The following ABCA13 variants were observed in gnomAD, a reference collection of about 807,000 sequenced individuals.
The protein encoded by ABCA13 is ATP binding cassette subfamily A member 13.
ABCA13 carries 476 observed loss-of-function variants against 478.7 expected under a neutral mutation model. That is an observed-to-expected ratio of 0.99 (90% CI 0.92 to 1.07). ABCA13 has a LOEUF of 1.07. ABCA13 is among the 50% of genes least tolerant of loss of function. ABCA13 has a pLI of 0.00. For synonymous variants in ABCA13, 2,252 were observed against 2,158.9 expected (o/e 1.04, Z -1.20); for missense variants, 6,060 against 5,910.6 (o/e 1.03, Z -0.83).
In ABCA13 at chr7:48,272,061, G is replaced by T; in HGVS notation, c.2395G>T (p.Glu799Ter). ...DAQKLLEFGN[E>*]VIWKMQTLGS... ...TCAGAAACTCTTGGAATTTGGCAAC[G>T]AAGTGATTTGGAAAATGCAGACTCT... Residue 799 changes from glutamate (E) to a stop codon, truncating the protein, a stop_gained, in exon 17 of 62, where the codon GAA becomes TAA. Transcript: ENST00000435803. LOFTEE classifies it high-confidence loss of function. 1 of 1,613,628 alleles carries T rather than the reference G, an allele frequency of 6.2e-7. No individual in the cohort carries two copies. The highest frequency in any genetic ancestry group is 8.5e-7 in the Non-Finnish European group (1 of 1,179,716).
chr7:48,437,062 C>T (rs1822939272), intron 42 of ABCA13, among the ~76,000 whole-genome samples: 1 of 151,868 alleles, frequency 6.6e-6, no homozygotes, highest in Admixed American at 6.6e-5. Flanking sequence ...GTTCAATTCT[C>T]TGTGTCTTTG....
At chr7:48,175,899 A>ACAACAG (rs1479169299) in intron 1 of ABCA13, among the ~76,000 whole-genome samples, 1 of 152,128 alleles carries the variant, frequency 6.6e-6, no homozygotes, top group African/African-American at 2.4e-5. Flanking sequence ...AACAACAACA[A>ACAACAG]CAACAACAAC....
At position 48,279,874 on chromosome 7, in the gene ABCA13, T is replaced by C; in HGVS notation, c.8680T>C (p.Phe2894Leu). 1 of 1,542,674 alleles carries C rather than the reference T, an allele frequency of 6.5e-7. No homozygotes were observed. ...FCLEKYLGGL[F>L]VLTKYWQQIP... is the part of the protein sequence containing the mutation. Reference sequence around the variant, plus strand: ...TTTGGAGAAATACCTGGGAGGATTATTTGTATTGACTAAATACTGGCAACA... The same window carrying C: ...TTTGGAGAAATACCTGGGAGGATTACTTGTATTGACTAAATACTGGCAACA... Residue 2894 changes from phenylalanine to leucine, a missense_variant, in exon 18 of 62, where the codon TTT (phenylalanine) becomes CTT (leucine). Transcript: ENST00000435803.
chr7:48,338,012 G>A (rs987409133), intron 28 of ABCA13, among the ~76,000 whole-genome samples: 1 of 152,160 alleles, frequency 6.6e-6, no homozygotes, highest in Non-Finnish European at 1.5e-5. Flanking sequence ...TTTACAACTG[G>A]CCTCTGGGAA....
At chr7:48,629,597 A>AG (rs869115357) in intron 59 of ABCA13, among the ~76,000 whole-genome samples, 1 of 145,522 alleles carries the variant, frequency 6.9e-6, no homozygotes, top group African/African-American at 2.5e-5. Flanking sequence ...AAAAAAAAAA[A>AG]GCTGCAAAGT....
intron 3 of ABCA13, among the ~76,000 whole-genome samples, chr7:48,208,709 A>C (rs1486992541): frequency 6.6e-6 from 1 of 152,000 alleles, no homozygotes; most frequent in Non-Finnish European, 1.5e-5. Context: ...TTTCTTGGTG[A>C]AGTCTTTAGG....
intron 58 of ABCA13, 74 bp downstream of exon 58, chr7:48,594,887 C>A: frequency 8.1e-7 from 1 of 1,234,084 alleles, no homozygotes; most frequent in Non-Finnish European, 1.2e-6. Context: ...CATTTAGGTA[C>A]CTGCACAGTG....
At chr7:48,268,613 G>C (rs552877093) in intron 15 of ABCA13, among the ~76,000 whole-genome samples, 19 of 152,254 alleles carry the variant, frequency 1.2e-4, no homozygotes, top group African/African-American at 3.9e-4. Flanking sequence ...GTGGTTTCTA[G>C]CTGTCTTTCA....
intron 55 of ABCA13, among the ~76,000 whole-genome samples, chr7:48,543,525 G>A (rs1305172618): frequency 2.0e-5 from 3 of 151,646 alleles, no homozygotes; most frequent in Non-Finnish European, 4.4e-5. Flanking sequence ...TCGGGAAGCT[G>A]AGGCAGGAGA....
At position 48,245,567 on chromosome 7, in the gene ABCA13, C is replaced by G; in HGVS notation, c.1446C>G (p.Asn482Lys). 6.2e-7 allele frequency: 1 copy of G among 1,613,176 alleles called. No individual in the cohort carries two copies. The highest frequency in any genetic ancestry group is 8.5e-7 in the Non-Finnish European group (1 of 1,179,644). ...SANDFKWFELNQLKLEKDVFF... is the reference protein window; with the variant it reads ...SANDFKWFELKQLKLEKDVFF... ...ATGATTTTAAATGGTTTGAACTTAA[C>G]CAATTGAAACTGGAAAAGGATGTGT... Residue 482 changes from asparagine to lysine, a missense_variant, in exon 12 of 62, where the codon AAC (asparagine) becomes AAG (lysine). By Grantham distance (94) the Asn-to-Lys change is moderately conservative. Coordinates refer to ENST00000435803, the MANE Select transcript of ABCA13 (RefSeq NM_152701.5).
intron 13 of ABCA13, among the ~76,000 whole-genome samples, 192 bp downstream of exon 13, chr7:48,246,222 G>A (rs1791651859): frequency 6.6e-6 from 1 of 152,122 alleles, no homozygotes; most frequent in African/African-American, 2.4e-5. Context: ...AAGGTTGTAT[G>A]CCACCCGCCT....
At chr7:48,494,507 G>C (rs1239574463) in intron 48 of ABCA13, among the ~76,000 whole-genome samples, 1 of 152,154 alleles carries the variant, frequency 6.6e-6, no homozygotes, top group Non-Finnish European at 1.5e-5. Flanking sequence ...AGGATTCTGA[G>C]CAATGCAAAG....
intron 27 of ABCA13, among the ~76,000 whole-genome samples, chr7:48,328,826 A>G (rs1268905493): frequency 6.6e-6 from 1 of 152,196 alleles, no homozygotes; most frequent in Non-Finnish European, 1.5e-5. Flanking sequence ...CCAAAATGAG[A>G]TATCCACAAA....
chr7:48,587,659 G>A (rs1789317045), intron 57 of ABCA13, among the ~76,000 whole-genome samples: 1 of 152,044 alleles, frequency 6.6e-6, no homozygotes, highest in Admixed American at 6.5e-5. Flanking sequence ...CAGCAGTAGT[G>A]ACACCTGTCA....
intron 42 of ABCA13, among the ~76,000 whole-genome samples, chr7:48,438,884 G>GTT (rs59630845): frequency 2.9e-5 from 4 of 139,410 alleles, no homozygotes; most frequent in African/African-American, 5.3e-5. Context: ...TTTTGCTAAG[G>GTT]TTTTTTTTTT....
intron 23 of ABCA13, among the ~76,000 whole-genome samples, chr7:48,304,001 GA>G (rs1399001614): frequency 2.0e-5 from 3 of 152,104 alleles, no homozygotes; most frequent in Non-Finnish European, 4.4e-5. Context: ...ATCATTAAAA[GA>G]AAATGACTTT....
intron 28 of ABCA13, among the ~76,000 whole-genome samples, chr7:48,337,184 G>C (rs960695591): frequency 1.3e-5 from 2 of 152,274 alleles, no homozygotes; most frequent in East Asian, 1.9e-4. Context: ...TGTAGTAGTC[G>C]ATGTGTATGT....
At chr7:48,265,736 G>C (rs999011265) in intron 15 of ABCA13, among the ~76,000 whole-genome samples, 2 of 151,494 alleles carry the variant, frequency 1.3e-5, no homozygotes, top group South Asian at 2.1e-4. Flanking sequence ...AATTGTTTTT[G>C]TATGTCTTTT....
At chr7:48,223,722 T>G (rs1787710681) in intron 5 of ABCA13, among the ~76,000 whole-genome samples, 1 of 151,990 alleles carries the variant, frequency 6.6e-6, no homozygotes, top group South Asian at 2.1e-4. Context: ...TTTGGGAGGC[T>G]GAGGCGGTCC....
Sources: allele counts gnomAD v4.1 joint callset (sites outside exome capture counted in the v4.1 genomes callset), GRCh38; gene constraint gnomAD v4.1.1; transcripts MANE v1.5; gene names NCBI Gene and HGNC (gene_info 2026-07-23, HGNC 2026-07-21).